Variants in SOX6 observed in about 807,000 individuals in gnomAD.
SOX6 encodes the protein SRY-box transcription factor 6.
In SOX6, 11 loss-of-function variants were observed where a neutral mutation model predicts 97.8. That is an observed-to-expected ratio of 0.11 (90% CI 0.07 to 0.19). SOX6 has a LOEUF of 0.19. SOX6 is among the 10% of genes least tolerant of loss of function. The probability of loss-of-function intolerance (pLI) is 1.00; values close to 1 mark genes in which losing one functional copy is unlikely to be tolerated. For missense variants in SOX6, 810 were observed against 1,039.5 expected (o/e 0.78, Z 3.04); for synonymous variants, 360 against 371.4 (o/e 0.97, Z 0.35).
intron 1 of SOX6, among the ~76,000 whole-genome samples, chr11:16,408,429 A>G (rs1858729265): frequency 6.6e-6 from 1 of 152,168 alleles, no homozygotes; most frequent in African/African-American, 2.4e-5. Flanking sequence ...TGATTCTATC[A>G]TTTCACACAT....
intron 3 of SOX6, among the ~76,000 whole-genome samples, chr11:16,260,069 G>C (rs568315366): frequency 1.3e-5 from 2 of 151,744 alleles, no homozygotes; most frequent in African/African-American, 4.8e-5. Context: ...GCCCAATCTC[G>C]GCTCACAGCA....
chr11:16,324,507 T>A (rs1856015735), intron 2 of SOX6, among the ~76,000 whole-genome samples: 1 of 152,172 alleles, frequency 6.6e-6, no homozygotes, highest in Non-Finnish European at 1.5e-5. Context: ...GAAAATTTAA[T>A]GAAATGTGGG....
intron 1 of SOX6, among the ~76,000 whole-genome samples, chr11:16,460,728 A>G (rs1001051144): frequency 6.6e-6 from 1 of 152,078 alleles, no homozygotes; most frequent in Non-Finnish European, 1.5e-5. Context: ...TTTATCTGAG[A>G]GAGTTTTAAA....
At chr11:16,165,186 A>G (rs552557027) in intron 6 of SOX6, among the ~76,000 whole-genome samples, 3 of 152,358 alleles carry the variant, frequency 2.0e-5, no homozygotes, top group Non-Finnish European at 4.4e-5. Flanking sequence ...TTTAAGGGAT[A>G]TACCCTTGAT....
chr11:16,604,105 C>A (rs752159256), intron 4 of SOX6, among the ~76,000 whole-genome samples: 7 of 152,234 alleles, frequency 4.6e-5, no homozygotes, highest in Non-Finnish European at 1.0e-4. Context: ...AATGCCATTG[C>A]GGGATCAGCT....
chr11:16,540,364 A>G (rs1861385859), intron 4 of SOX6, among the ~76,000 whole-genome samples: 1 of 152,162 alleles, frequency 6.6e-6, no homozygotes. Context: ...AGCCAATATC[A>G]TACTGAATGG....
intron 4 of SOX6, among the ~76,000 whole-genome samples, chr11:16,571,641 G>GT: frequency 6.6e-6 from 1 of 151,876 alleles, no homozygotes; most frequent in South Asian, 2.1e-4. Context: ...TGTTTGGGGG[G>GT]TTTTGTTATT....
chr11:16,068,552 GT>G (rs1848147910), intron 9 of SOX6, among the ~76,000 whole-genome samples: 1 of 152,092 alleles, frequency 6.6e-6, no homozygotes, highest in African/African-American at 2.4e-5. Context: ...AGCATAGAAG[GT>G]ACTTGTTCAA....
chr11:16,466,183 T>G (rs897497069), intron 1 of SOX6, among the ~76,000 whole-genome samples: 1 of 152,232 alleles, frequency 6.6e-6, no homozygotes, highest in African/African-American at 2.4e-5. Context: ...ATGCTTTACC[T>G]TTATTGGCAA....
At chr11:16,633,618 C>T (rs919606015) in intron 3 of SOX6, among the ~76,000 whole-genome samples, 2 of 152,162 alleles carry the variant, frequency 1.3e-5, no homozygotes, top group Non-Finnish European at 2.9e-5. Flanking sequence ...CATGGAACAG[C>T]TAAAACTTCA....
intron 12 of SOX6, among the ~76,000 whole-genome samples, chr11:16,037,903 C>T (rs1855559686): frequency 6.6e-6 from 1 of 152,200 alleles, no homozygotes; most frequent in Admixed American, 6.5e-5. Context: ...TCAGCCTGCT[C>T]TTCTACCAAT....
At chr11:16,104,741 G>A (rs966643046) in intron 7 of SOX6, among the ~76,000 whole-genome samples, 1 of 151,914 alleles carries the variant, frequency 6.6e-6, no homozygotes, top group Non-Finnish European at 1.5e-5. Flanking sequence ...TTAAAAAGAA[G>A]CCCTGAATAA....
intron 9 of SOX6, among the ~76,000 whole-genome samples, chr11:16,063,755 G>A (rs1177965517): frequency 6.7e-6 from 1 of 149,724 alleles, no homozygotes; most frequent in Non-Finnish European, 1.5e-5. Flanking sequence ...GAGGCACTGG[G>A]CTGGATATTT....
At chr11:16,512,124 C>T (rs1354477902) in intron 4 of SOX6, among the ~76,000 whole-genome samples, 1 of 152,164 alleles carries the variant, frequency 6.6e-6, no homozygotes, top group Non-Finnish European at 1.5e-5. Context: ...ATCTTCCAAA[C>T]ACTTGATGTA....
chr11:16,100,675 A>G (rs890328505), intron 7 of SOX6, among the ~76,000 whole-genome samples: 2 of 151,424 alleles, frequency 1.3e-5, no homozygotes, highest in Non-Finnish European at 3.0e-5. Flanking sequence ...TGTACTAAGA[A>G]CCTACAACCC....
chr11:16,504,044 AAAATAAATAAATAAAT>A (rs77343447), intron 4 of SOX6, among the ~76,000 whole-genome samples: 14,617 of 139,526 alleles, frequency 0.1, 892 homozygotes, highest in Non-Finnish European at 0.14. Context: ...CTCCATCTCA[AAAATAAATAAATAAAT>A]AAATAAATAA....
chr11:16,304,780 T>C (rs1855373388), intron 3 of SOX6, among the ~76,000 whole-genome samples: 3 of 152,136 alleles, frequency 2.0e-5, no homozygotes, highest in Admixed American at 2.0e-4. Flanking sequence ...ATTTTCTATA[T>C]AGATAATCAC....
At chr11:16,630,670 CT>C (rs1431658632) in intron 3 of SOX6, among the ~76,000 whole-genome samples, 2 of 152,010 alleles carry the variant, frequency 1.3e-5, no homozygotes, top group African/African-American at 4.8e-5. Flanking sequence ...CTGTCTAATG[CT>C]GACAGTCAGG....
chr11:16,030,717 G>T (rs1170742851), intron 12 of SOX6, among the ~76,000 whole-genome samples: 1 of 152,094 alleles, frequency 6.6e-6, no homozygotes, highest in Non-Finnish European at 1.5e-5. Context: ...TTGAGCCAGA[G>T]ATATTTGGTA....
Sources: gnomAD v4.1 joint callset for allele counts (sites outside exome capture counted in the v4.1 genomes callset) on GRCh38, gnomAD v4.1.1 for gene constraint, MANE v1.5 for transcripts, NCBI Gene and HGNC (gene_info 2026-07-23, HGNC 2026-07-21) for gene names.